CCDC47: variants seen among roughly 807,000 people sequenced by gnomAD.
CCDC47 encodes PAT complex subunit CCDC47.
Under a neutral mutation model 60.5 loss-of-function variants are expected in CCDC47, and 41 were observed. The ratio of observed to expected loss-of-function variants is 0.68; its 90% CI spans 0.53 to 0.88. CCDC47 has a LOEUF of 0.88. CCDC47 is among the 40% of genes least tolerant of loss of function. CCDC47 has a pLI of 0.00. For missense variants in CCDC47, 513 were observed against 580.9 expected, an observed-to-expected ratio of 0.88 and a Z score of 1.20; for synonymous variants, 195 against 190.7, an observed-to-expected ratio of 1.02 and a Z score of -0.18.
chr17:63,761,226 T>G lies in CCDC47; in HGVS notation c.669+4A>C. The G allele has an allele frequency of 6.2e-7, 1 of 1,614,104 alleles. No individual in the cohort carries two copies. Reference sequence around the variant, plus strand: ...ATATATCGTACAAGAAGTTTCCTACTTACCCTCAGCTGGATAAGCATGCCC... The same window carrying G: ...ATATATCGTACAAGAAGTTTCCTACGTACCCTCAGCTGGATAAGCATGCCC... On this transcript the variant is annotated splice_donor_region_variant and intron_variant, in intron 5 of 12. Transcript: ENST00000225726.
At chr17:63,756,188 G>T in intron 8 of CCDC47, 52 bp downstream of exon 8, 1 of 1,173,656 alleles carries the variant, frequency 8.5e-7, no homozygotes. Flanking sequence ...TTTAGGGAGA[G>T]TGTCCTGTAA....
At chr17:63,768,623 G>A (rs979169113) in intron 1 of CCDC47, among the ~76,000 whole-genome samples, 3 of 152,242 alleles carry the variant, frequency 2.0e-5, no homozygotes, top group South Asian at 2.1e-4. Context: ...TCACGAGGCC[G>A]GCCGAGGCTG....
rs973177583 is a variant in CCDC47 at position 63,750,899 on chromosome 17, C to CT, written c.1371+1040dup. Among the ~76,000 whole-genome samples, 1,046 of 146,202 alleles carry CT rather than the reference C, an allele frequency of 7.2e-3. 9 individuals are homozygous for CT. The highest frequency in any genetic ancestry group is 0.023 in the African/African-American group (940 of 40,108). ...ACCACGCCCGGCCTGTCCTCTCCCT[C>CT]TTTTTTTTTTGGCTGCCCAGGCTAG... On this transcript the variant is annotated intron_variant, in intron 12 of 12. Transcript: ENST00000225726.
chr17:63,760,612 A>C (rs1282021048), intron 6 of CCDC47, among the ~76,000 whole-genome samples: 2 of 152,090 alleles, frequency 1.3e-5, no homozygotes, highest in Admixed American at 1.3e-4. Context: ...GCCAGAGTGG[A>C]TGGATCACTT....
chr17:63,756,652 C>T (rs1160816658), intron 6 of CCDC47, 82 bp from the exon 7 acceptor site: 2 of 901,884 alleles, frequency 2.2e-6, no homozygotes, highest in East Asian at 5.2e-5. Context: ...CTTAAGATTC[C>T]CTCCCCGCTG....
intron 2 of CCDC47, 148 bp from the exon 3 acceptor site, chr17:63,764,995 G>A: frequency 7.1e-7 from 1 of 1,414,150 alleles, no homozygotes; most frequent in Non-Finnish European, 9.2e-7. Flanking sequence ...CAAAACGATT[G>A]GGTACAAATT....
chr17:63,762,964 C>T (rs2039271624), intron 4 of CCDC47, among the ~76,000 whole-genome samples: 1 of 152,160 alleles, frequency 6.6e-6, no homozygotes, highest in African/African-American at 2.4e-5. Flanking sequence ...TTCTGTCACC[C>T]AGGCTGGAGT....
At chr17:63,772,577 A>G (rs1329411077) in intron 1 of CCDC47, among the ~76,000 whole-genome samples, 1 of 151,414 alleles carries the variant, frequency 6.6e-6, no homozygotes, top group African/African-American at 2.4e-5. Context: ...TACTCTTAAA[A>G]CTTTTTTTTC....
At chr17:63,763,878 G>A (rs1004151555) in intron 4 of CCDC47, 138 bp downstream of exon 4, 7 of 441,752 alleles carry the variant, frequency 1.6e-5, no homozygotes, top group Non-Finnish European at 2.7e-5. Flanking sequence ...AAAGAGCAGG[G>A]GGAATCCTTG....
chr17:63,762,792 T>C (rs977644563), intron 4 of CCDC47, among the ~76,000 whole-genome samples: 2 of 152,362 alleles, frequency 1.3e-5, no homozygotes, highest in Admixed American at 1.3e-4. Context: ...CTACCTAAAA[T>C]GTCAAACTTT....
intron 1 of CCDC47, 83 bp downstream of exon 1, chr17:63,773,329 C>T (rs577054705): frequency 1.8e-4 from 28 of 152,470 alleles, no homozygotes; most frequent in African/African-American, 6.3e-4. Context: ...CTCAACCGGA[C>T]CGGGCTACAG....
intron 6 of CCDC47, among the ~76,000 whole-genome samples, chr17:63,759,508 A>AAT (rs1415946852): frequency 5.1e-4 from 10 of 19,646 alleles, no homozygotes; most frequent in East Asian, 3.5e-3. Flanking sequence ...AAAAAAAAAA[A>AAT]ATATATATAT....
At chr17:63,761,026 TA>T in intron 5 of CCDC47, 47 bp from the exon 6 acceptor site, 1 of 1,512,072 alleles carries the variant, frequency 6.6e-7, no homozygotes, top group Non-Finnish European at 9.1e-7. Flanking sequence ...AACTCCTACT[TA>T]GTATAAAAAA....
chr17:63,752,613 A>C, intron 10 of CCDC47, 128 bp downstream of exon 10: 1 of 985,476 alleles, frequency 1.0e-6, no homozygotes, highest in Non-Finnish European at 1.5e-6. Context: ...GAAATCTGGA[A>C]ATCAGTAAGC....
At chr17:63,750,030 G>GT (rs1241843169) in intron 12 of CCDC47, among the ~76,000 whole-genome samples, 4 of 152,112 alleles carry the variant, frequency 2.6e-5, no homozygotes, top group Non-Finnish European at 4.4e-5. Context: ...GGTTGGGTGG[G>GT]TTGTTCTATT....
chr17:63,761,467 G>C, intron 4 of CCDC47, 116 bp from the exon 5 acceptor site: 2 of 1,051,662 alleles, frequency 1.9e-6, no homozygotes, highest in Non-Finnish European at 2.8e-6. Context: ...GGATCACGAG[G>C]TCAGGAGTTC....
chr17:63,762,304 A>C (rs913245523), intron 4 of CCDC47: 9 of 934,576 alleles, frequency 9.6e-6, no homozygotes, highest in Non-Finnish European at 1.1e-5. Context: ...TTTTTTTTCG[A>C]ATTTCCTGGT....
At chr17:63,755,604 G>A (rs566354559) in intron 8 of CCDC47, among the ~76,000 whole-genome samples, 49 of 152,030 alleles carry the variant, frequency 3.2e-4, no homozygotes, top group African/African-American at 1.1e-3. Flanking sequence ...TAATTTCAGG[G>A]GATCCTTTAT....
intron 8 of CCDC47, chr17:63,755,477 A>G (rs950062238): frequency 6.5e-6 from 1 of 153,024 alleles, no homozygotes; most frequent in African/African-American, 2.4e-5. Context: ...AAAAAAAAAA[A>G]AAAAGTAGTA....
Sources: allele counts gnomAD v4.1 joint callset (sites outside exome capture counted in the v4.1 genomes callset), GRCh38; gene constraint gnomAD v4.1.1; transcripts MANE v1.5; gene names NCBI Gene and HGNC (gene_info 2026-07-23, HGNC 2026-07-21).